Variants in MYT1 observed in about 807,000 individuals in gnomAD.
MYT1 encodes myelin transcription factor I.
A neutral mutation model predicts 123.0 loss-of-function variants in MYT1; 23 were observed. The observed-to-expected ratio is 0.19, with a 90% CI of 0.13 to 0.26. The LOEUF is 0.26. Among genes scored for constraint, MYT1 ranks in the 10% least tolerant of loss-of-function variants. The pLI, the probability that MYT1 is intolerant of heterozygous loss-of-function variation, is 1.00. For synonymous variants in MYT1, 518 were observed against 575.3 expected, an observed-to-expected ratio of 0.90 and a Z score of 1.43; for missense variants, 1,125 against 1,472.5, an observed-to-expected ratio of 0.76 and a Z score of 3.86.
chr20:64,219,344 A>C (rs1159244210), intron 12 of MYT1, among the ~76,000 whole-genome samples: 3 of 152,216 alleles, frequency 2.0e-5, no homozygotes, highest in Non-Finnish European at 4.4e-5. Context: ...TGGTGCACAC[A>C]CATGCCCATG....
intron 7 of MYT1, among the ~76,000 whole-genome samples, chr20:64,209,417 T>C (rs1023293866): frequency 1.3e-5 from 2 of 152,318 alleles, no homozygotes; most frequent in African/African-American, 2.4e-5. Context: ...CTCCTGCACC[T>C]GGGCACTTGG....
intron 1 of MYT1, among the ~76,000 whole-genome samples, chr20:64,181,924 C>T (rs1004670954): frequency 4.6e-5 from 7 of 152,218 alleles, no homozygotes; most frequent in African/African-American, 7.2e-5. Context: ...TAGCCTGGAC[C>T]TCAGGGGTGT....
Position 64,186,596 on chromosome 20 carries a change from G to A in MYT1, c.-98-3467G>A, listed in dbSNP as rs537800401. On this transcript the variant is annotated intron_variant, in intron 1 of 22. Coordinates refer to ENST00000328439, the MANE Select transcript of MYT1 (RefSeq NM_004535.3). This position sits in a 1 kb window ranked among gnomAD's most constrained non-coding sequence, Gnocchi z 4.3. ...CCCACTTTGTGGGTGAAGGACTTAA[G>A]TCTCAGAGAGGGTAGTGACCTGCTG... 1.3e-5 allele frequency among the ~76,000 whole-genome samples: 2 copies of A among 152,380 alleles called. No homozygotes were observed. Among genetic ancestry groups the A allele is most frequent in the African/African-American group, 2.4e-5 (1 of 41,594 alleles).
chr20:64,195,331 T>C (rs1264606696), intron 2 of MYT1, among the ~76,000 whole-genome samples: 1 of 150,522 alleles, frequency 6.6e-6, no homozygotes, highest in Non-Finnish European at 1.5e-5. Context: ...GGGGCTGGTC[T>C]TCGTACCATG....
chr20:64,186,693 G>T lies in MYT1; in HGVS notation c.-98-3370G>T, dbSNP rs542914792. On this transcript the variant is annotated intron_variant, in intron 1 of 22. Transcript: ENST00000328439. This position sits in a 1 kb window ranked among gnomAD's most constrained non-coding sequence, Gnocchi z 4.3. ...CTTGTTCCCACCACAGAGTGTCCAT[G>T]GAGCAGCATGACTTCTGGAAGGGCG... is the stretch of plus-strand genomic sequence containing the variant. Among the ~76,000 whole-genome samples the T allele has an allele frequency of 6.6e-6, 1 of 152,398 alleles. No individual in the cohort carries two copies.
At chr20:64,184,447 G>T (rs993932243) in intron 1 of MYT1, among the ~76,000 whole-genome samples, 1 of 151,862 alleles carries the variant, frequency 6.6e-6, no homozygotes, top group Non-Finnish European at 1.5e-5. Context: ...TAATAGAGGG[G>T]GTTACTTCTG....
chr20:64,169,333 C>G (rs767970627), intron 1 of MYT1, among the ~76,000 whole-genome samples: 25 of 152,228 alleles, frequency 1.6e-4, no homozygotes, highest in Non-Finnish European at 3.1e-4. Context: ...CGAGGCGCGT[C>G]CCCAATCCCG....
At chr20:64,194,600 A>G (rs892475205) in intron 2 of MYT1, among the ~76,000 whole-genome samples, 1 of 152,200 alleles carries the variant, frequency 6.6e-6, no homozygotes, top group Non-Finnish European at 1.5e-5. Flanking sequence ...TGAGGGAGGA[A>G]GCTGTTCAGC....
At chr20:64,215,014 C>T (rs1467879722) in intron 10 of MYT1, among the ~76,000 whole-genome samples, 1 of 152,218 alleles carries the variant, frequency 6.6e-6, no homozygotes, top group South Asian at 2.1e-4. Flanking sequence ...TGCTTGCCAT[C>T]CCACACACAG....
chr20:64,164,695 C>G lies in MYT1; in HGVS notation c.-143C>G, dbSNP rs1569302326. The G allele has an allele frequency of 6.6e-6, 1 of 151,998 alleles. No homozygotes were observed. The highest frequency in any genetic ancestry group is 1.5e-5 in the Non-Finnish European group (1 of 68,024). 9.4% of individuals were successfully genotyped at this position (151,998 alleles called of 1,614,324 possible). On this transcript the variant is annotated 5_prime_UTR_variant, in exon 1 of 23. Coordinates refer to ENST00000328439, the MANE Select transcript of MYT1 (RefSeq NM_004535.3). ...CCATGTAAATTTCATGATTGCTTTC[C>G]GTGATGTCATTTTGAAAGAGGACAG...
chr20:64,235,635 G>A (rs1401351251), intron 19 of MYT1, among the ~76,000 whole-genome samples: 5 of 146,452 alleles, frequency 3.4e-5, no homozygotes, highest in African/African-American at 1.3e-4. Flanking sequence ...GTGACCCTGG[G>A]CTGGCCGTGG....
rs1983206756 is a variant in MYT1, at chr20:64,198,884, A to G, written c.23A>G (p.Lys8Arg). ...CAGATGAGCTTAGAAAATGAAGACA[A>G]GCGAGCTCGCACCCGATCCAAGGCC... Reference protein sequence around the residue: MSLENEDKRARTRSKALR... With the variant: MSLENEDRRARTRSKALR... Residue 8 changes from lysine (K) to arginine (R), a missense_variant, in exon 3 of 23, where the codon AAG becomes AGG. Lys to Arg is a conservative substitution (Grantham distance 26). This residue lies in a region of MYT1 where 406 missense variants were observed against 432.2 expected (regional missense o/e 0.94). Coordinates refer to ENST00000328439, the MANE Select transcript of MYT1 (RefSeq NM_004535.3). 6.2e-7 allele frequency: 1 copy of G among 1,614,056 alleles called. No individual in the cohort carries two copies.
intron 2 of MYT1, 30 bp from the exon 3 acceptor site, chr20:64,198,832 C>T (rs781495487): frequency 6.2e-7 from 1 of 1,613,854 alleles, no homozygotes; most frequent in Non-Finnish European, 8.5e-7. Context: ...GCTGGGTTTT[C>T]TTGTTAACGT....
chr20:64,222,583 C>T (rs1447896984), intron 14 of MYT1, among the ~76,000 whole-genome samples: 1 of 152,248 alleles, frequency 6.6e-6, no homozygotes, highest in African/African-American at 2.4e-5. Flanking sequence ...CAATGACCTT[C>T]TGGTCAGCCT....
chr20:64,201,873 CA>C (rs1315522341), intron 4 of MYT1, among the ~76,000 whole-genome samples: 7 of 148,446 alleles, frequency 4.7e-5, no homozygotes, highest in African/African-American at 1.8e-4. Context: ...AGCTCACAGA[CA>C]CAGAGTCACC....
chr20:64,198,813 G>A, intron 2 of MYT1, 49 bp from the exon 3 acceptor site: 1 of 1,603,864 alleles, frequency 6.2e-7, no homozygotes, highest in Non-Finnish European at 8.5e-7. Context: ...CTGTACTCCA[G>A]AGGCACTGGC....
At chr20:64,226,690 G>C (rs1208635594) in intron 16 of MYT1, among the ~76,000 whole-genome samples, 11 of 152,232 alleles carry the variant, frequency 7.2e-5, no homozygotes, top group Admixed American at 7.2e-4. Context: ...TAACATCCGT[G>C]CTTGTAATAT....
Position 64,213,012 on chromosome 20 carries a change from A to G in MYT1, c.1518-522A>G, listed in dbSNP as rs1041808150. On this transcript the variant is annotated intron_variant, in intron 9 of 22. Transcript: ENST00000328439. The surrounding 1 kb of genome is among the most constrained non-coding windows in gnomAD (Gnocchi z 5.6). ...CTCACAGTTAACTTTATTCTGACAG[A>G]TGAAGCTGCTGCCTCCGTGTCTTAG... Among the ~76,000 whole-genome samples, 19 of 152,158 alleles carry G rather than the reference A, an allele frequency of 1.2e-4. No individual in the cohort carries two copies. Among genetic ancestry groups the G allele is most frequent in the African/African-American group, 4.3e-4 (18 of 41,438 alleles).
Position 64,208,060 on chromosome 20 carries a change from G to A in MYT1, c.864G>A (p.Glu288=), listed in dbSNP as rs761992675. Residue 288 remains glutamate, a synonymous_variant, in exon 7 of 23, where the codon GAG becomes GAA. Coordinates refer to ENST00000328439, the MANE Select transcript of MYT1 (RefSeq NM_004535.3). The surrounding 1 kb of genome is among the most constrained non-coding windows in gnomAD (Gnocchi z 5.4). The part of the protein sequence containing the change: ...EEEEEEEEEE[E]EEEEEEEEEE... ...AAGAGGAGGAGGAAGAGGAAGAGGA[G>A]GAGGAGGAAGAGGAAGAGGAGGAGG... 2 of 1,602,742 alleles carry A rather than the reference G, an allele frequency of 1.2e-6. No individual in the cohort carries two copies. The highest frequency in any genetic ancestry group is 2.7e-5 in the African/African-American group (2 of 74,566).
Sources: allele counts gnomAD v4.1 joint callset (sites outside exome capture counted in the v4.1 genomes callset), GRCh38; gene constraint gnomAD v4.1.1; regional missense constraint gnomAD v4.1.1; non-coding constraint Gnocchi (gnomAD v3.1); transcripts MANE v1.5; gene names NCBI Gene and HGNC (gene_info 2026-07-23, HGNC 2026-07-21).